The following EIPR1 variants were observed in gnomAD, a reference collection of about 807,000 sequenced individuals.
The protein encoded by EIPR1 is EARP complex and GARP complex interacting protein 1, also known as EARP and GARP complex-interacting protein 1.
A neutral mutation model predicts 48.1 loss-of-function variants in EIPR1; 25 were observed. The observed-to-expected ratio is 0.52, with a 90% CI of 0.38 to 0.73. The LOEUF (loss-of-function observed/expected upper bound fraction) is 0.73, where lower values mean the gene tolerates loss of function less well. Among genes scored for constraint, EIPR1 ranks in the 30% least tolerant of loss-of-function variants. The pLI, the probability that EIPR1 is intolerant of heterozygous loss-of-function variation, is 0.00. For missense variants in EIPR1, 415 were observed against 506.2 expected (o/e 0.82, Z 1.73); for synonymous variants, 204 against 201.9 (o/e 1.01, Z -0.09).
intron 3 of EIPR1, 21 bp from the exon 4 acceptor site, chr2:3,257,476 G>C (rs1459820058): frequency 6.2e-7 from 1 of 1,613,196 alleles, no homozygotes; most frequent in African/African-American, 1.3e-5. Context: ...GAGCATAATG[G>C]ATAATGTCAA....
intron 3 of EIPR1, among the ~76,000 whole-genome samples, chr2:3,333,586 T>A (rs183533928): frequency 4.6e-5 from 7 of 151,890 alleles, no homozygotes; most frequent in South Asian, 2.1e-4. Flanking sequence ...GAAATTTTTT[T>A]AAAAATCAGC....
intron 2 of EIPR1, among the ~76,000 whole-genome samples, chr2:3,350,310 A>AG (rs1332970528): frequency 6.6e-6 from 1 of 152,044 alleles, no homozygotes; most frequent in Non-Finnish European, 1.5e-5. Flanking sequence ...GAGAGCATGA[A>AG]GGGGGATGTG....
chr2:3,224,450 C>G (rs1665994229), intron 4 of EIPR1, among the ~76,000 whole-genome samples: 1 of 152,190 alleles, frequency 6.6e-6, no homozygotes, highest in Non-Finnish European at 1.5e-5. Flanking sequence ...ACCTGCCCAT[C>G]CAACCAGCCC....
At chr2:3,280,468 T>C (rs1252478816) in intron 3 of EIPR1, among the ~76,000 whole-genome samples, 3 of 152,062 alleles carry the variant, frequency 2.0e-5, no homozygotes, top group African/African-American at 2.4e-5. Flanking sequence ...CTGGGAAGAC[T>C]GGCCCCGCCT....
chr2:3,296,007 T>TGCACAC (rs1219783754), intron 3 of EIPR1, among the ~76,000 whole-genome samples: 1 of 56,274 alleles, frequency 1.8e-5, no homozygotes, highest in Non-Finnish European at 3.4e-5. Flanking sequence ...ATCCTCTCTC[T>TGCACAC]ACACACCCTC....
chr2:3,351,672 C>T (rs1466376328), intron 2 of EIPR1, among the ~76,000 whole-genome samples: 2 of 152,132 alleles, frequency 1.3e-5, no homozygotes, highest in Non-Finnish European at 2.9e-5. Flanking sequence ...ATAAGTAATT[C>T]CCTTCTTATA....
In EIPR1 at chr2:3,192,394, T is replaced by C. The variant is rs1369598985; in HGVS notation, c.989+20A>G. 1 of 1,588,074 alleles carries C rather than the reference T, an allele frequency of 6.3e-7. No individual in the cohort carries two copies. ...GAGGCTCTGGTACAGCGTGAGCCACTCTGCAGTGCGTGCCCTTACTTCTCT... is the reference window on the plus strand; with the variant it reads ...GAGGCTCTGGTACAGCGTGAGCCACCCTGCAGTGCGTGCCCTTACTTCTCT... On this transcript the variant is annotated intron_variant, in intron 8 of 8. Transcript: ENST00000382125.
intron 3 of EIPR1, among the ~76,000 whole-genome samples, chr2:3,261,069 T>C (rs1205532717): frequency 2.0e-5 from 3 of 152,196 alleles, no homozygotes; most frequent in Non-Finnish European, 4.4e-5. Context: ...GCTTTCTGAC[T>C]TGGGCAGTTA....
intron 4 of EIPR1, among the ~76,000 whole-genome samples, chr2:3,246,276 T>A (rs1050538282): frequency 6.6e-6 from 1 of 152,174 alleles, no homozygotes; most frequent in African/African-American, 2.4e-5. Flanking sequence ...CTCCTCTTTG[T>A]AACATTTAAC....
At chr2:3,369,898 C>T (rs1420795336) in intron 1 of EIPR1, among the ~76,000 whole-genome samples, 7 of 152,110 alleles carry the variant, frequency 4.6e-5, no homozygotes, top group Middle Eastern at 6.8e-3. Flanking sequence ...TCTCCCAGCA[C>T]GCAGCTGGAG....
rs554362222 is a variant in EIPR1, at chr2:3,260,332, C to T, written c.260-2877G>A. On this transcript the variant is annotated intron_variant, in intron 3 of 8. Coordinates refer to ENST00000382125, the MANE Select transcript of EIPR1 (RefSeq NM_003310.5). The stretch of plus-strand genomic sequence containing the variant: ...ATGGTGAAACCCCGTCTCTACTAAA[C>T]ATATAAAAATTAGCTGGGCATGGTG... 2.0e-5 allele frequency among the ~76,000 whole-genome samples: 3 copies of T among 151,930 alleles called. No homozygotes were observed. In the South Asian group the frequency reaches 6.2e-4, roughly 32 times the overall value.
At position 3,341,108 on chromosome 2, in the gene EIPR1, A is replaced by C. The variant is rs1372038847; in HGVS notation, c.127-2959T>G. ...GAGATCCTGTCTCAAAAAAAAAAAAAAAAAAAAAAAAACAAAACAAAACTC... is the reference window on the plus strand; with the variant it reads ...GAGATCCTGTCTCAAAAAAAAAAAACAAAAAAAAAAAACAAAACAAAACTC... On this transcript the variant is annotated intron_variant, in intron 2 of 8. Transcript: ENST00000382125. Among the ~76,000 whole-genome samples the C allele has an allele frequency of 1.3e-3, 192 of 149,488 alleles. 2 individuals carry two copies. The highest frequency in any genetic ancestry group is 4.6e-3 in the African/African-American group (186 of 40,746).
chr2:3,258,198 G>A (rs1221915318), intron 3 of EIPR1, among the ~76,000 whole-genome samples: 1 of 152,204 alleles, frequency 6.6e-6, no homozygotes, highest in African/African-American at 2.4e-5. Flanking sequence ...CCACTTTGTG[G>A]ATAGAGACTC....
At chr2:3,359,121 T>C (rs2103381471) in intron 1 of EIPR1, among the ~76,000 whole-genome samples, 1 of 152,244 alleles carries the variant, frequency 6.6e-6, no homozygotes, top group Non-Finnish European at 1.5e-5. Flanking sequence ...GATAGACGAT[T>C]AAGTATCAAA....
chr2:3,271,160 C>G (rs1667691538), intron 3 of EIPR1, among the ~76,000 whole-genome samples: 1 of 152,236 alleles, frequency 6.6e-6, no homozygotes, highest in East Asian at 1.9e-4. Flanking sequence ...GGCTCCACTT[C>G]TAATTCAAGT....
At chr2:3,232,367 C>T (rs971781303) in intron 4 of EIPR1, among the ~76,000 whole-genome samples, 1 of 152,074 alleles carries the variant, frequency 6.6e-6, no homozygotes, top group African/African-American at 2.4e-5. Flanking sequence ...TTGTTCCTTC[C>T]TCTAGTCCCT....
chr2:3,367,377 C>T (rs1384508601), intron 1 of EIPR1, among the ~76,000 whole-genome samples: 2 of 152,190 alleles, frequency 1.3e-5, no homozygotes, highest in Admixed American at 6.5e-5. Flanking sequence ...GAAATCTGAA[C>T]AACTAGTTAC....
rs774095561 is a variant in EIPR1 at position 3,189,370 on chromosome 2, C to G, written c.1128G>C (p.Arg376Ser). Reference sequence around the variant, plus strand: ...TGTGGTACTTCAGGGCCCTGGGCACCCTGTTGATCACGAGCCTCCCGTCAT... The same window carrying G: ...TGTGGTACTTCAGGGCCCTGGGCACGCTGTTGATCACGAGCCTCCCGTCAT... Reference protein sequence around the residue: ...LSYDGRLVINRVPRALKYHIL... With the variant: ...LSYDGRLVINSVPRALKYHIL... Residue 376 changes from arginine to serine, a missense_variant, in exon 9 of 9, where the codon AGG becomes AGC. Arg to Ser is a moderately radical substitution (Grantham distance 110). Coordinates refer to ENST00000382125, the MANE Select transcript of EIPR1 (RefSeq NM_003310.5). This position sits in a 1 kb window ranked among gnomAD's most constrained non-coding sequence, Gnocchi z 4.6. 2.9e-5 allele frequency: 47 copies of G among 1,601,492 alleles called. No homozygotes were observed. Among genetic ancestry groups the G allele is most frequent in the Non-Finnish European group, 3.9e-5 (46 of 1,172,362 alleles).
In EIPR1 at chr2:3,198,140, CG is replaced by C. The variant is rs74322300; in HGVS notation, c.517-1124del. On this transcript the variant is annotated intron_variant, in intron 5 of 8. Transcript: ENST00000382125. ...GAAACCACCACTCAGAACAGAAAGA[CG>C]GGCAGTTCCCAGTGAGAAATAGGGC... Among the ~76,000 whole-genome samples, 390 of 152,300 alleles carry C rather than the reference CG, an allele frequency of 2.6e-3. 13 individuals are homozygous for C. In the East Asian group the frequency reaches 0.04, roughly 16 times the overall value.
Sources: gnomAD v4.1 joint callset for allele counts (sites outside exome capture counted in the v4.1 genomes callset) on GRCh38, gnomAD v4.1.1 for gene constraint, Gnocchi (gnomAD v3.1) non-coding constraint, MANE v1.5 for transcripts, NCBI Gene and HGNC (gene_info 2026-07-23, HGNC 2026-07-21) for gene names.